Variants in APEX2 observed in about 807,000 individuals in gnomAD.
APEX2 encodes apurinic/apyrimidinic endodeoxyribonuclease 2, also known as DNA-(apurinic or apyrimidinic site) endonuclease 2.
A neutral mutation model predicts 16.7 loss-of-function variants in APEX2; 4 were observed. The ratio of observed to expected loss-of-function variants is 0.24; its 90% confidence interval spans 0.12 to 0.55. The LOEUF is 0.55. Ranked by LOEUF, APEX2 falls within the 20% of genes least tolerant of loss-of-function variation. The pLI, the probability that APEX2 is intolerant of heterozygous loss-of-function variation, is 0.94. For missense variants in APEX2, 357 were observed against 433.6 expected, an observed-to-expected ratio of 0.82 and a Z score of 1.57; for synonymous variants, 181 against 166.9, an observed-to-expected ratio of 1.08 and a Z score of -0.65.
Position 55,003,832 on chromosome X carries a change from C to G in APEX2, c.603C>G (p.Ala201=), listed in dbSNP as rs139707414. Residue 201 remains alanine, a synonymous_variant, in exon 5 of 6, where the codon GCC becomes GCG. Coordinates refer to ENST00000374987, the MANE Select transcript of APEX2 (RefSeq NM_014481.4). ...HVIILGDLNT[A]HRPIDHWDAV... ...TCATTCTGGGTGACCTGAATACAGC[C>G]CACCGCCCCATTGACCACTGGGATG... 4.1e-6 allele frequency: 5 copies of G among 1,209,641 alleles called. No homozygotes were observed. In the African/African-American group the frequency reaches 8.8e-5, roughly 21 times the overall value.
chrX:55,007,512 C>T lies in APEX2; in HGVS notation c.*77C>T, dbSNP rs761933205. 27 of 1,016,859 alleles carry T rather than the reference C, an allele frequency of 2.7e-5. No individual in the cohort carries two copies. The Middle Eastern group carries it at 8.9e-4, about 33-fold the overall frequency. The allele number at this position is 1,016,859 out of a possible 1,213,427, so 83.8% of individuals were successfully genotyped here. The stretch of plus-strand genomic sequence containing the variant: ...AGGCCAGCTCCCCTTCCCTGAGCTG[C>T]CTCCTGCTTCTCCCTCAAAGTCTCC... On this transcript the variant is annotated 3_prime_UTR_variant, in exon 6 of 6. Coordinates refer to ENST00000374987, the MANE Select transcript of APEX2 (RefSeq NM_014481.4).
Position 55,009,024 on chromosome X carries a change from G to C in APEX2, c.*1589G>C. ...TGTCTGAGGGAGTCAGAATGCACTTGTCTGTTCCCTGTCCAATAAAAGGCT... is the reference window on the plus strand; with the variant it reads ...TGTCTGAGGGAGTCAGAATGCACTTCTCTGTTCCCTGTCCAATAAAAGGCT... On this transcript the variant is annotated 3_prime_UTR_variant, in exon 6 of 6. Coordinates refer to ENST00000374987, the MANE Select transcript of APEX2 (RefSeq NM_014481.4). The C allele has an allele frequency of 1.4e-6, 1 of 701,941 alleles. No homozygotes were observed. Among genetic ancestry groups the C allele is most frequent in the South Asian group, 2.8e-5 (1 of 35,808 alleles). The allele number at this position is 701,941 out of a possible 1,213,427, so 57.8% of individuals were successfully genotyped here.
At position 55,006,960 on chromosome X, in the gene APEX2, A is replaced by G. The variant is rs767301035; in HGVS notation, c.1082A>G (p.Asn361Ser). The G allele has an allele frequency of 9.1e-6, 11 of 1,210,142 alleles. No individual in the cohort carries two copies. Among genetic ancestry groups the G allele is most frequent in the East Asian group, 5.9e-5 (2 of 33,764 alleles). ...GAGCAGTCGACGCTGCAGCACAACAATCAAACCCGGGTACAGACATGCCAA... is the reference window on the plus strand; with the variant it reads ...GAGCAGTCGACGCTGCAGCACAACAGTCAAACCCGGGTACAGACATGCCAA... ...VLEQSTLQHNNQTRVQTCQNK... is the reference protein window; with the variant it reads ...VLEQSTLQHNSQTRVQTCQNK... The change falls in exon 6 of 6, where the codon AAT (asparagine) becomes AGT (serine). Residue 361 changes from asparagine to serine, a missense_variant. Coordinates refer to ENST00000374987, the MANE Select transcript of APEX2 (RefSeq NM_014481.4).
rs1935512108 is a variant in APEX2 at position 55,007,132 on chromosome X, G to T, written c.1254G>T (p.Met418Ile). The T allele has an allele frequency of 1.7e-6, 2 of 1,211,832 alleles. No individual in the cohort carries two copies. Among genetic ancestry groups the T allele is most frequent in the Non-Finnish European group, 2.2e-6 (2 of 895,550 alleles). ...PDIELPSLPL[M>I]SALMTPKTPE... is the part of the protein sequence containing the mutation. ...TAGAGCTGCCTAGCCTACCACTGAT[G>T]AGCGCCCTCATGACCCCGAAGACTC... Residue 418 changes from methionine to isoleucine, a missense_variant, in exon 6 of 6, where the codon ATG becomes ATT. Physicochemically the swap from Met to Ile is conservative, Grantham distance 10 (BLOSUM62 1). Coordinates refer to ENST00000374987, the MANE Select transcript of APEX2 (RefSeq NM_014481.4).
chrX:55,004,616 C>T (rs1055107978), intron 5 of APEX2, among the ~76,000 whole-genome samples: 1 of 111,662 alleles, frequency 9.0e-6, no homozygotes, highest in African/African-American at 3.3e-5. Context: ...CTTATTTCCA[C>T]CTTCAGTGTC....
chrX:55,007,192 G>A lies in APEX2; in HGVS notation c.1314G>A (p.Gly438=). ...EEKAVAKVVK[G]QAKTSEAKDE... ...AGGCAGTGGCCAAAGTGGTGAAGGG[G>A]CAGGCCAAGACTTCAGAAGCCAAAG... Residue 438 remains glycine, a synonymous_variant, in exon 6 of 6, where the codon GGG becomes GGA. Coordinates refer to ENST00000374987, the MANE Select transcript of APEX2 (RefSeq NM_014481.4). The A allele has an allele frequency of 8.2e-7, 1 of 1,212,132 alleles. No homozygotes were observed. The highest frequency in any genetic ancestry group is 1.1e-6 in the Non-Finnish European group (1 of 895,607).
At chrX:55,006,302 G>A (rs1935496850) in intron 5 of APEX2, among the ~76,000 whole-genome samples, 1 of 111,349 alleles carries the variant, frequency 9.0e-6, no homozygotes, top group Non-Finnish European at 1.9e-5. Flanking sequence ...GCAAGCTCGT[G>A]CAGAGGGAAA....
rs1477962307 is a variant in APEX2 at position 55,008,943 on chromosome X, G to A, written c.*1508G>A. On this transcript the variant is annotated 3_prime_UTR_variant, in exon 6 of 6. Transcript: ENST00000374987. ...TCTTTCTCATTCTGTTTCCCTGTTG[G>A]TAAAATGGAATGGTGACCAACAAGT... 4 of 404,852 alleles carry A rather than the reference G, an allele frequency of 9.9e-6. No individual in the cohort carries two copies. Among genetic ancestry groups the A allele is most frequent in the South Asian group, 1.0e-4 (2 of 19,448 alleles). The allele number at this position is 404,852 out of a possible 1,213,427, so 33.4% of individuals were successfully genotyped here.
intron 2 of APEX2, 141 bp downstream of exon 2, chrX:55,001,770 G>T (rs1024892528): frequency 2.0e-6 from 1 of 493,740 alleles, no homozygotes; most frequent in African/African-American, 2.4e-5. Context: ...TAAATTACAT[G>T]AAATATAATT....
intron 5 of APEX2, among the ~76,000 whole-genome samples, chrX:55,005,013 A>G (rs946246892): frequency 2.7e-5 from 3 of 111,306 alleles, no homozygotes; most frequent in Non-Finnish European, 5.7e-5. Context: ...GGGATCAGTG[A>G]TTTATGCTGG....
chrX:55,005,134 A>G (rs1055464113), intron 5 of APEX2, among the ~76,000 whole-genome samples: 2 of 112,115 alleles, frequency 1.8e-5, no homozygotes, highest in Non-Finnish European at 3.8e-5. Context: ...AGCTGGGAAA[A>G]TGAGCAGAAG....
chrX:55,001,531 A>ATT lies in APEX2; in HGVS notation c.158-6_158-5dup. On this transcript the variant is annotated splice_polypyrimidine_tract_variant and intron_variant, in intron 1 of 5. Coordinates refer to ENST00000374987, the MANE Select transcript of APEX2 (RefSeq NM_014481.4). ...AGTTTTACCTCTGACTTAATCTTAC[A>ATT]TTTTTTTTTTCCAGGGGATGCACTG... The ATT allele has an allele frequency of 9.5e-7, 1 of 1,054,110 alleles. No homozygotes were observed. Among genetic ancestry groups the ATT allele is most frequent in the Non-Finnish European group, 1.3e-6 (1 of 782,859 alleles). 86.9% of individuals were successfully genotyped at this position (1,054,110 alleles called of 1,213,427 possible). A position where few individuals can be genotyped will look rare whatever the true frequency, so the allele number is the denominator to read the frequency against.
rs1204649207 is a variant in APEX2 at position 55,007,373 on chromosome X, C to T, written c.1495C>T (p.Arg499Trp). ...CCGCTTCTACATGTGTGCCAGGCCCCGGGGTCCTCCCACTGACCCCTCCTC... is the reference window on the plus strand; with the variant it reads ...CCGCTTCTACATGTGTGCCAGGCCCTGGGGTCCTCCCACTGACCCCTCCTC... ...GRRFYMCARP[R>W]GPPTDPSSRC... Residue 499 changes from arginine (R) to tryptophan (W), a missense_variant, in exon 6 of 6, where the codon CGG (arginine) becomes TGG (tryptophan). Coordinates refer to ENST00000374987, the MANE Select transcript of APEX2 (RefSeq NM_014481.4). 4.2e-6 allele frequency: 5 copies of T among 1,190,983 alleles called. No individual in the cohort carries two copies. The highest frequency in any genetic ancestry group is 2.3e-4 in the Middle Eastern group (1 of 4,287).
chrX:55,002,175 G>A, intron 2 of APEX2, 76 bp from the exon 3 acceptor site: 1 of 979,952 alleles, frequency 1.0e-6, no homozygotes, highest in African/African-American at 1.9e-5. Context: ...CTTGTGTGGG[G>A]ACAATTGGAG....
intron 4 of APEX2, 66 bp downstream of exon 4, chrX:55,003,174 T>A: frequency 8.6e-7 from 1 of 1,157,361 alleles, no homozygotes; most frequent in Non-Finnish European, 1.2e-6. Flanking sequence ...TGTGTCAAGC[T>A]CCATTGAAAG....
Position 55,007,285 on chromosome X carries a change from T to C in APEX2, c.1407T>C (p.Cys469=). 4 of 1,211,933 alleles carry C rather than the reference T, an allele frequency of 3.3e-6. No homozygotes were observed. Among genetic ancestry groups the C allele is most frequent in the Non-Finnish European group, 4.5e-6 (4 of 895,485 alleles). The change falls in exon 6 of 6, where the codon TGT becomes TGC. Residue 469 remains cysteine, a synonymous_variant. Transcript: ENST00000374987. ...CGGGGCCCTTGCGCACACCCCTCTG[T>C]GGGGGCCACAGGGAGCCATGTGTGA... ...VLAGPLRTPL[C]GGHREPCVMR... is the part of the protein sequence containing the mutation.
rs370230204 is a variant in APEX2, at chrX:55,000,533, C to G, written c.111C>G (p.Asp37Glu). The change falls in exon 1 of 6, where the codon GAC becomes GAG. Residue 37 changes from aspartate (D) to glutamate (E), a missense_variant. Transcript: ENST00000374987. ...CCGTGGCCGTGGGGCGCATTTTGGACGAGCTGGATGCGGATATCGTCTGTC... is the reference window on the plus strand; with the variant it reads ...CCGTGGCCGTGGGGCGCATTTTGGAGGAGCTGGATGCGGATATCGTCTGTC... ...CAAVAVGRIL[D>E]ELDADIVCLQ... 8.3e-7 allele frequency: 1 copy of G among 1,210,420 alleles called. No homozygotes were observed. Among genetic ancestry groups the G allele is most frequent in the South Asian group, 1.8e-5 (1 of 56,639 alleles).
Position 55,006,901 on chromosome X carries a change from C to T in APEX2, c.1023C>T (p.Arg341=), listed in dbSNP as rs780449805. ...EFAGTQLKIL[R]FLVPLEQSPV... Reference sequence around the variant, plus strand: ...CAGGCACCCAGCTCAAGATCCTTCGCTTCCTAGTTCCTCTCGAACAAAGTC... The same window carrying T: ...CAGGCACCCAGCTCAAGATCCTTCGTTTCCTAGTTCCTCTCGAACAAAGTC... Residue 341 remains arginine, a synonymous_variant, in exon 6 of 6, where the codon CGC becomes CGT. Transcript: ENST00000374987. The T allele has an allele frequency of 7.4e-6, 9 of 1,211,836 alleles. No homozygotes were observed. In the South Asian group the frequency reaches 1.6e-4, roughly 21 times the overall value.
At position 55,000,510 on chromosome X, in the gene APEX2, G is replaced by T. The variant is rs748389498; in HGVS notation, c.88G>T (p.Val30Leu). 2 of 1,209,849 alleles carry T rather than the reference G, an allele frequency of 1.7e-6. No individual in the cohort carries two copies. Among genetic ancestry groups the T allele is most frequent in the Admixed American group, 4.4e-5 (2 of 45,945 alleles). ...ANQEPSNCAAVAVGRILDELD... is the reference protein window; with the variant it reads ...ANQEPSNCAALAVGRILDELD... Reference sequence around the variant, plus strand: ...TCAGGAACCCAGCAACTGTGCCGCCGTGGCCGTGGGGCGCATTTTGGACGA... The same window carrying T: ...TCAGGAACCCAGCAACTGTGCCGCCTTGGCCGTGGGGCGCATTTTGGACGA... Residue 30 changes from valine (V) to leucine (L), a missense_variant, in exon 1 of 6, where the codon GTG (valine) becomes TTG (leucine). By Grantham distance (32) the Val-to-Leu change is conservative. Transcript: ENST00000374987.
Sources: allele counts gnomAD v4.1 joint callset (sites outside exome capture counted in the v4.1 genomes callset), GRCh38; gene constraint gnomAD v4.1.1; transcripts MANE v1.5; gene names NCBI Gene and HGNC (gene_info 2026-07-23, HGNC 2026-07-21).